The following GPRC5B variants were observed in gnomAD, a reference collection of about 807,000 sequenced individuals.
GPRC5B encodes G protein-coupled receptor family C group 5 member B.
In GPRC5B, 16 loss-of-function variants were observed where a neutral mutation model predicts 30.1. That is an observed-to-expected ratio of 0.53 (90% CI 0.36 to 0.81). GPRC5B has a LOEUF of 0.81. Among genes scored for constraint, GPRC5B ranks in the 30% least tolerant of loss-of-function variants. The pLI, the probability that GPRC5B is intolerant of heterozygous loss-of-function variation, is 0.01. For synonymous variants in GPRC5B, 241 were observed against 239.5 expected, an observed-to-expected ratio of 1.01 and a Z score of -0.06; for missense variants, 428 against 544.7, an observed-to-expected ratio of 0.79 and a Z score of 2.13.
At position 19,872,078 on chromosome 16, in the gene GPRC5B, G is replaced by A. The variant is rs147328678; in HGVS notation, c.768C>T (p.Phe256=). The change falls in exon 2 of 4, where the codon TTC becomes TTT. Residue 256 remains phenylalanine, a synonymous_variant. Transcript: ENST00000300571. The surrounding 1 kb of genome is among the most constrained non-coding windows in gnomAD (Gnocchi z 5.0). ...CCCCCTGCTGCAGCTTGACATTGCC[G>A]AAGAGGTACATGGTCATCCAGGCCA... The part of the protein sequence containing the change: ...IWVAWMTMYL[F]GNVKLQQGDA... 250 of 1,613,942 alleles carry A rather than the reference G, an allele frequency of 1.5e-4. No individual in the cohort carries two copies. The highest frequency in any genetic ancestry group is 8.9e-5 in the East Asian group (4 of 44,888).
At chr16:19,869,958 C>T (rs1468326792) in intron 2 of GPRC5B, among the ~76,000 whole-genome samples, 1 of 151,946 alleles carries the variant, frequency 6.6e-6, no homozygotes, top group East Asian at 1.9e-4. Flanking sequence ...GCCTGTGGTC[C>T]CAGCTACTCG....
chr16:19,867,773 C>T (rs1034724909), intron 2 of GPRC5B, among the ~76,000 whole-genome samples: 7 of 151,760 alleles, frequency 4.6e-5, no homozygotes, highest in African/African-American at 1.5e-4. Context: ...GCTCCAAGGC[C>T]GGGCGTGGTG....
At chr16:19,883,187 C>T (rs542233542) in intron 1 of GPRC5B, among the ~76,000 whole-genome samples, 91 of 152,188 alleles carry the variant, frequency 6.0e-4, no homozygotes, top group Non-Finnish European at 1.2e-3. Context: ...GTCCCTGGCA[C>T]GTTTCTTGAA....
At chr16:19,885,514 C>G, upstream of GPRC5B, 1 of 1,126,746 alleles carries the variant, frequency 8.9e-7, no homozygotes, top group African/African-American at 1.7e-5. The surrounding 1 kb of genome is among the most constrained non-coding windows in gnomAD (Gnocchi z 5.3). Context: ...CTTCCTTGGC[C>G]CCTCGAAACA....
chr16:19,866,457 A>G (rs1013821680), intron 2 of GPRC5B, among the ~76,000 whole-genome samples: 2 of 151,950 alleles, frequency 1.3e-5, no homozygotes, highest in African/African-American at 4.8e-5. Flanking sequence ...CCCCGGTTCA[A>G]GCGATTCTCC....
rs750902860 is a variant in GPRC5B, at chr16:19,871,886, G to A, written c.960C>T (p.Phe320=). 1.3e-5 allele frequency: 21 copies of A among 1,613,884 alleles called. No individual in the cohort carries two copies. Among genetic ancestry groups the A allele is most frequent in the Middle Eastern group, 3.3e-4 (2 of 6,084 alleles). ...CCCGCGGCAGCTGCACGTCCTCCTCGAAGGCCGTCTCCCGCATCCTGGGCT... is the reference window on the plus strand; with the variant it reads ...CCCGCGGCAGCTGCACGTCCTCCTCAAAGGCCGTCTCCCGCATCCTGGGCT... ...TSQPRMRETA[F]EEDVQLPRAY... Residue 320 remains phenylalanine (F), a synonymous_variant, in exon 2 of 4, where the codon TTC becomes TTT. Coordinates refer to ENST00000300571, the MANE Select transcript of GPRC5B (RefSeq NM_016235.3).
chr16:19,870,319 C>T (rs754937177), intron 2 of GPRC5B, among the ~76,000 whole-genome samples: 7 of 152,188 alleles, frequency 4.6e-5, no homozygotes, highest in Non-Finnish European at 5.9e-5. Context: ...CACTTCCCCA[C>T]GAAACCACCT....
chr16:19,878,193 C>T (rs985267307), intron 1 of GPRC5B, among the ~76,000 whole-genome samples: 4 of 112,646 alleles, frequency 3.6e-5, no homozygotes, highest in South Asian at 3.2e-4. Context: ...AGTGAGACTC[C>T]GTCTTAAAAA....
chr16:19,865,256 C>T (rs1429862877), intron 2 of GPRC5B, among the ~76,000 whole-genome samples: 2 of 152,062 alleles, frequency 1.3e-5, no homozygotes, highest in Non-Finnish European at 2.9e-5. Flanking sequence ...CAAAAGAAGT[C>T]TATTTTTAAA....
rs1402232940 is a variant in GPRC5B at position 19,858,246 on chromosome 16, A to G, written c.*2254T>C. ...ACTCCCGCCTCCGCCCCCATTATGA[A>G]GGCGTTCAGCCCACTCTCAACCTTA... On this transcript the variant is annotated 3_prime_UTR_variant, in exon 4 of 4. Coordinates refer to ENST00000300571, the MANE Select transcript of GPRC5B (RefSeq NM_016235.3). 5.3e-6 allele frequency: 2 copies of G among 375,196 alleles called. No homozygotes were observed. The highest frequency in any genetic ancestry group is 9.4e-6 in the Non-Finnish European group (2 of 212,170). The allele number at this position is 375,196 out of a possible 1,614,324, so 23.2% of individuals were successfully genotyped here.
intron 2 of GPRC5B, among the ~76,000 whole-genome samples, chr16:19,867,197 C>T (rs939083569): frequency 1.3e-5 from 2 of 152,182 alleles, no homozygotes; most frequent in South Asian, 2.1e-4. Flanking sequence ...GGCGCTTAAG[C>T]GCTTTATGGA....
At position 19,858,731 on chromosome 16, in the gene GPRC5B, C is replaced by T. The variant is rs1326459112; in HGVS notation, c.*1769G>A. 6.7e-6 allele frequency: 3 copies of T among 447,390 alleles called. No individual in the cohort carries two copies. Among genetic ancestry groups the T allele is most frequent in the African/African-American group, 4.1e-5 (2 of 49,094 alleles). 27.7% of individuals were successfully genotyped at this position (447,390 alleles called of 1,614,324 possible). ...TTTTCTGTCCACGCAATGACTGGAA[C>T]GGGATTCTCTAGAAGCAAGCACATG... On this transcript the variant is annotated 3_prime_UTR_variant, in exon 4 of 4. Coordinates refer to ENST00000300571, the MANE Select transcript of GPRC5B (RefSeq NM_016235.3).
At chr16:19,870,224 T>C (rs2056704500) in intron 2 of GPRC5B, among the ~76,000 whole-genome samples, 1 of 152,160 alleles carries the variant, frequency 6.6e-6, no homozygotes, top group Non-Finnish European at 1.5e-5. Context: ...CTGTTGCCCG[T>C]GGTAGTAACT....
At chr16:19,868,249 C>G (rs1273923336) in intron 2 of GPRC5B, among the ~76,000 whole-genome samples, 4 of 151,834 alleles carry the variant, frequency 2.6e-5, no homozygotes, top group African/African-American at 9.7e-5. Flanking sequence ...TGGCACACGG[C>G]TATAATCCCA....
intron 1 of GPRC5B, among the ~76,000 whole-genome samples, chr16:19,879,417 C>A (rs569226313): frequency 3.9e-4 from 59 of 150,978 alleles, no homozygotes; most frequent in Non-Finnish European, 7.5e-4. Flanking sequence ...CTCTCTCTCA[C>A]ACACACACAC....
chr16:19,885,376 T>C, upstream of GPRC5B: 1 of 1,186,816 alleles, frequency 8.4e-7, no homozygotes, highest in Middle Eastern at 2.5e-4. This position sits in a 1 kb window ranked among gnomAD's most constrained non-coding sequence, Gnocchi z 5.3. Flanking sequence ...CGCCCCGGTA[T>C]ACACCTAGGC....
chr16:19,871,745 A>C, intron 2 of GPRC5B, 71 bp downstream of exon 2: 1 of 1,392,346 alleles, frequency 7.2e-7, no homozygotes, highest in Non-Finnish European at 1.0e-6. Flanking sequence ...ATCCCCACTG[A>C]AGAGGAAGAA....
intron 1 of GPRC5B, among the ~76,000 whole-genome samples, chr16:19,883,030 C>T (rs998850114): frequency 2.2e-4 from 34 of 152,148 alleles, no homozygotes; most frequent in African/African-American, 7.5e-4. Context: ...CCTTCTTTTA[C>T]ATCACCCCAT....
At chr16:19,875,727 C>T in intron 1 of GPRC5B, among the ~76,000 whole-genome samples, 1 of 152,078 alleles carries the variant, frequency 6.6e-6, no homozygotes, top group Non-Finnish European at 1.5e-5. Flanking sequence ...TTCAGTGCGC[C>T]AAGATCTTGC....
Sources: allele counts gnomAD v4.1 joint callset (sites outside exome capture counted in the v4.1 genomes callset), GRCh38; gene constraint gnomAD v4.1.1; non-coding constraint Gnocchi (gnomAD v3.1); transcripts MANE v1.5; gene names NCBI Gene and HGNC (gene_info 2026-07-23, HGNC 2026-07-21).